KAZN: variants seen among roughly 807,000 people sequenced by gnomAD.
KAZN encodes kazrin, periplakin interacting protein.
In KAZN, 40 loss-of-function variants were observed where a neutral mutation model predicts 87.4. The ratio of observed to expected loss-of-function variants is 0.46; its 90% confidence interval spans 0.36 to 0.60. The LOEUF is 0.60. Among genes scored for constraint, KAZN ranks in the 20% least tolerant of loss-of-function variants. The probability of loss-of-function intolerance (pLI) is 0.00; values close to 1 mark genes in which losing one functional copy is unlikely to be tolerated. For missense variants in KAZN, 898 were observed against 1,073.9 expected, an observed-to-expected ratio of 0.84 and a Z score of 2.29; for synonymous variants, 466 against 458.3, an observed-to-expected ratio of 1.02 and a Z score of -0.22.
intron 2 of KAZN, among the ~76,000 whole-genome samples, chr1:14,521,566 G>A (rs936545213): frequency 2.0e-5 from 3 of 152,196 alleles, no homozygotes; most frequent in Non-Finnish European, 2.9e-5. Flanking sequence ...TGAACCTTTT[G>A]CATGAAATCA....
intron 1 of KAZN, among the ~76,000 whole-genome samples, chr1:14,104,407 G>A (rs1557478757): frequency 6.6e-6 from 1 of 152,190 alleles, no homozygotes; most frequent in Non-Finnish European, 1.5e-5. Flanking sequence ...AGTGGATGTG[G>A]TGATTTTTTT....
At chr1:13,997,721 A>T (rs1639590738) in intron 1 of KAZN, among the ~76,000 whole-genome samples, 1 of 152,168 alleles carries the variant, frequency 6.6e-6, no homozygotes. Context: ...GGGACTTCAT[A>T]AAAAGACCAA....
At chr1:14,457,826 T>G (rs76599098) in intron 2 of KAZN, among the ~76,000 whole-genome samples, 16,224 of 150,640 alleles carry the variant, frequency 0.11, 1,251 homozygotes, top group East Asian at 0.21. Flanking sequence ...TTTGTTTTGT[T>G]TTTTTTTTTG....
rs192676163 is a variant in KAZN, at chr1:14,565,153, G to A, written c.250-33830G>A. Among the ~76,000 whole-genome samples the A allele has an allele frequency of 1.1e-3, 175 of 152,228 alleles. 2 individuals carry two copies. The highest frequency in any genetic ancestry group is 0.011 in the Admixed American group (162 of 15,278). ...CCCCTAGGTATCTTCCCTAATTGTA[G>A]CATCCTTTCCTCTCCCTCCCTGCCC... On this transcript the variant is annotated intron_variant, in intron 2 of 16. Coordinates refer to the KAZN transcript ENST00000636203.
intron 2 of KAZN, among the ~76,000 whole-genome samples, chr1:14,248,141 C>A (rs1010968645): frequency 1.3e-5 from 2 of 152,138 alleles, no homozygotes; most frequent in African/African-American, 2.4e-5. Flanking sequence ...TCATTAACAC[C>A]GAACATAAGC....
chr1:14,183,217 C>T (rs1406657771), intron 2 of KAZN, among the ~76,000 whole-genome samples: 1 of 152,140 alleles, frequency 6.6e-6, no homozygotes, highest in Non-Finnish European at 1.5e-5. Flanking sequence ...TATGAAATTC[C>T]ACCTCTGAGG....
At chr1:15,051,056 C>A (rs1674349151) in intron 4 of KAZN, among the ~76,000 whole-genome samples, 1 of 152,222 alleles carries the variant, frequency 6.6e-6, no homozygotes, top group South Asian at 2.1e-4. Context: ...CGCTCAGTGC[C>A]CGTTTGGCGC....
intron 1 of KAZN, among the ~76,000 whole-genome samples, chr1:13,948,975 C>G (rs1475416544): frequency 6.6e-6 from 1 of 152,122 alleles, no homozygotes; most frequent in Non-Finnish European, 1.5e-5. Context: ...ACTCAGATGT[C>G]CCAGCATCGC....
intron 1 of KAZN, among the ~76,000 whole-genome samples, chr1:14,933,688 A>G (rs1660110193): frequency 6.6e-6 from 1 of 151,524 alleles, no homozygotes; most frequent in Non-Finnish European, 1.5e-5. Flanking sequence ...CTGGTGTGCA[A>G]GGGCTGTTCA....
At chr1:15,079,979 C>A (rs544662848) in intron 8 of KAZN, among the ~76,000 whole-genome samples, 1 of 152,350 alleles carries the variant, frequency 6.6e-6, no homozygotes, top group East Asian at 1.9e-4. Context: ...TTAGCAGCTT[C>A]CTCCTAAGTG....
At chr1:14,356,769 TGTTCCA>T (rs1364634775) in intron 2 of KAZN, among the ~76,000 whole-genome samples, 3 of 152,226 alleles carry the variant, frequency 2.0e-5, no homozygotes, top group African/African-American at 7.2e-5. Context: ...TCCTCTGTTC[TGTTCCA>T]TTGGTCTATA....
At chr1:14,021,413 A>C (rs962794662) in intron 1 of KAZN, among the ~76,000 whole-genome samples, 1 of 152,192 alleles carries the variant, frequency 6.6e-6, no homozygotes, top group Non-Finnish European at 1.5e-5. Context: ...TCCAATTCCC[A>C]GGTGATTTGT....
At chr1:14,778,473 G>T (rs939345900) in intron 1 of KAZN, among the ~76,000 whole-genome samples, 1 of 151,874 alleles carries the variant, frequency 6.6e-6, no homozygotes, top group Non-Finnish European at 1.5e-5. Flanking sequence ...CTCCCGTCCC[G>T]TCAGGGCAGG....
At chr1:14,235,513 G>A (rs1197690226) in intron 2 of KAZN, among the ~76,000 whole-genome samples, 2 of 152,146 alleles carry the variant, frequency 1.3e-5, no homozygotes, top group Non-Finnish European at 2.9e-5. Context: ...TAGCAAAAAA[G>A]AAGCTTCTAA....
intron 3 of KAZN, among the ~76,000 whole-genome samples, chr1:15,040,858 C>T (rs983426582): frequency 6.6e-6 from 1 of 152,080 alleles, no homozygotes; most frequent in Non-Finnish European, 1.5e-5. Context: ...GTGCCAAATG[C>T]ACTTTCCCTG....
chr1:14,524,988 A>G (rs1267647249), intron 2 of KAZN, among the ~76,000 whole-genome samples: 1 of 152,254 alleles, frequency 6.6e-6, no homozygotes, highest in Admixed American at 6.5e-5. Context: ...ATTTAACACC[A>G]GTGATCTACT....
intron 1 of KAZN, among the ~76,000 whole-genome samples, chr1:14,668,139 G>A (rs1462593489): frequency 2.6e-5 from 4 of 152,222 alleles, no homozygotes; most frequent in Admixed American, 2.0e-4. Flanking sequence ...CACTATTAAC[G>A]AGAAGGAAAA....
chr1:14,652,060 G>A (rs2148696146), intron 1 of KAZN, among the ~76,000 whole-genome samples: 1 of 152,248 alleles, frequency 6.6e-6, no homozygotes, highest in Non-Finnish European at 1.5e-5. Flanking sequence ...GTCTGTACAG[G>A]GCAGATCACC....
intron 1 of KAZN, among the ~76,000 whole-genome samples, chr1:14,600,814 C>T (rs930245482): frequency 1.3e-5 from 2 of 152,156 alleles, no homozygotes; most frequent in Non-Finnish European, 2.9e-5. Flanking sequence ...GAACAATGCT[C>T]GTTTATTTCC....
Sources: allele counts gnomAD v4.1 joint callset (sites outside exome capture counted in the v4.1 genomes callset), GRCh38; gene constraint gnomAD v4.1.1; transcripts MANE v1.5; gene names NCBI Gene and HGNC (gene_info 2026-07-23, HGNC 2026-07-21).